Variants in AFG2A observed in about 807,000 individuals in gnomAD.
AFG2A encodes AAA ATPase AFG2A, also known as ATPase family gene 2 protein homolog A.
At chr4:123,188,245 A>G in the AFG2A span, among the ~76,000 whole-genome samples, 1 of 152,054 alleles carries the variant, frequency 6.6e-6, no homozygotes, top group South Asian at 2.1e-4. Context: ...TTGTTCTGTA[A>G]GAACTTCCTA....
At chr4:123,080,937 A>C in the AFG2A span, among the ~76,000 whole-genome samples, 4 of 151,860 alleles carry the variant, frequency 2.6e-5, no homozygotes, top group African/African-American at 9.7e-5. Context: ...TATTTTTTCT[A>C]AATAGACTTT....
the AFG2A span, among the ~76,000 whole-genome samples, chr4:123,225,121 A>G: frequency 2.0e-5 from 3 of 152,226 alleles, no homozygotes; most frequent in Non-Finnish European, 4.4e-5. Context: ...GCCCTTTGTC[A>G]GATGAGTAGA....
chr4:123,267,735 A>G, the AFG2A span, among the ~76,000 whole-genome samples: 4 of 152,208 alleles, frequency 2.6e-5, no homozygotes, highest in South Asian at 8.3e-4. Flanking sequence ...TTAGTATCAA[A>G]AGATTTCATT....
chr4:123,083,815 G>T, the AFG2A span, among the ~76,000 whole-genome samples: 1 of 151,838 alleles, frequency 6.6e-6, no homozygotes, highest in Non-Finnish European at 1.5e-5. Context: ...TTTGGTATTC[G>T]TCTAATTGTG....
chr4:123,093,387 A>G, the AFG2A span, among the ~76,000 whole-genome samples: 1 of 152,232 alleles, frequency 6.6e-6, no homozygotes, highest in Non-Finnish European at 1.5e-5. Flanking sequence ...ACTGCCATGG[A>G]AACGGGTGGT....
At chr4:123,211,636 A>G in the AFG2A span, among the ~76,000 whole-genome samples, 7,940 of 152,224 alleles carry the variant, frequency 0.052, 697 homozygotes, top group African/African-American at 0.18. Flanking sequence ...TTTGGGGTAA[A>G]TGTCTAGATA....
chr4:123,097,914 T>A, the AFG2A span, among the ~76,000 whole-genome samples: 1 of 152,162 alleles, frequency 6.6e-6, no homozygotes, highest in Non-Finnish European at 1.5e-5. Flanking sequence ...TTTAAATGAT[T>A]AGGAAAATAC....
the AFG2A span, among the ~76,000 whole-genome samples, chr4:122,944,758 T>A: frequency 1.3e-5 from 2 of 152,098 alleles, no homozygotes; most frequent in Admixed American, 1.3e-4. Flanking sequence ...TTTCCCCATC[T>A]TTGTGGTTTT....
the AFG2A span, among the ~76,000 whole-genome samples, chr4:123,292,469 G>A: frequency 1.5e-4 from 23 of 152,130 alleles, no homozygotes; most frequent in African/African-American, 5.5e-4. Flanking sequence ...TTATTTTTCT[G>A]GTTCCTTATC....
the AFG2A span, among the ~76,000 whole-genome samples, chr4:123,240,962 T>C: frequency 6.6e-6 from 1 of 152,020 alleles, no homozygotes; most frequent in Non-Finnish European, 1.5e-5. Flanking sequence ...TCACCACCGA[T>C]CCCACAGAAA....
the AFG2A span, among the ~76,000 whole-genome samples, chr4:122,952,326 G>C: frequency 2.0e-5 from 3 of 152,062 alleles, no homozygotes; most frequent in African/African-American, 7.2e-5. Context: ...CACAAGGCTT[G>C]TATTTATTTC....
chr4:123,048,493 G>A, the AFG2A span, among the ~76,000 whole-genome samples: 1 of 152,212 alleles, frequency 6.6e-6, no homozygotes, highest in South Asian at 2.1e-4. Flanking sequence ...TCATGAGCAT[G>A]GGATATCTGT....
chr4:123,098,023 T>G, the AFG2A span, among the ~76,000 whole-genome samples: 2 of 152,232 alleles, frequency 1.3e-5, no homozygotes. Context: ...ACTAATTTGA[T>G]TATGTTTTGT....
At chr4:123,069,740 T>C in the AFG2A span, among the ~76,000 whole-genome samples, 1 of 152,188 alleles carries the variant, frequency 6.6e-6, no homozygotes, top group Non-Finnish European at 1.5e-5. Flanking sequence ...ATTTTAGCTA[T>C]GTAAAATAAA....
the AFG2A span, among the ~76,000 whole-genome samples, chr4:123,155,329 C>T: frequency 4.3e-4 from 66 of 152,246 alleles, no homozygotes; most frequent in African/African-American, 1.5e-3. Context: ...AGCCTTCCTC[C>T]CACCTTGACC....
chr4:123,257,580 G>T, the AFG2A span, among the ~76,000 whole-genome samples: 79 of 152,208 alleles, frequency 5.2e-4, no homozygotes, highest in Admixed American at 2.7e-3. Flanking sequence ...GTTGAAGTGC[G>T]CTCACCTTTA....
the AFG2A span, among the ~76,000 whole-genome samples, chr4:123,050,732 G>T: frequency 6.8e-6 from 1 of 146,986 alleles, no homozygotes. Context: ...GCAGCATATA[G>T]TTGTGTCTTT....
the AFG2A span, among the ~76,000 whole-genome samples, chr4:123,285,564 T>A: frequency 6.6e-6 from 1 of 152,022 alleles, no homozygotes; most frequent in Non-Finnish European, 1.5e-5. Flanking sequence ...AGTGTGGGAG[T>A]GTGCACTCCC....
chr4:122,965,422 C>G, the AFG2A span, among the ~76,000 whole-genome samples: 3 of 152,120 alleles, frequency 2.0e-5, no homozygotes, highest in Non-Finnish European at 4.4e-5. Flanking sequence ...TGATGTAGAG[C>G]TTGAGGTGGA....
Sources: allele counts gnomAD v4.1 joint callset (sites outside exome capture counted in the v4.1 genomes callset), GRCh38; gene constraint gnomAD v4.1.1; transcripts MANE v1.5; gene names NCBI Gene and HGNC (gene_info 2026-07-23, HGNC 2026-07-21).